The following TCF7L2 variants were observed in gnomAD, a reference collection of about 807,000 sequenced individuals.
TCF7L2 encodes the protein transcription factor 7-like 2.
In TCF7L2, 23 loss-of-function variants were observed where a neutral mutation model predicts 77.9. That is an observed-to-expected ratio of 0.30 (90% confidence interval 0.21 to 0.42). The LOEUF (loss-of-function observed/expected upper bound fraction) is 0.42, where lower values mean the gene tolerates loss of function less well. TCF7L2 is among the 10% of genes least tolerant of loss of function. The pLI is 1.00. For synonymous variants in TCF7L2, 413 were observed against 340.2 expected (o/e 1.21, Z -2.36); for missense variants, 654 against 793.1 (o/e 0.82, Z 2.11).
intron 11 of TCF7L2, among the ~76,000 whole-genome samples, chr10:113,155,331 T>C (rs1053669002): frequency 6.6e-6 from 1 of 152,174 alleles, no homozygotes; most frequent in African/African-American, 2.4e-5. Context: ...CCCATGCCAT[T>C]TGCTCACCTG....
intron 5 of TCF7L2, among the ~76,000 whole-genome samples, chr10:113,124,279 C>T (rs149976900): frequency 3.9e-5 from 6 of 152,222 alleles, no homozygotes; most frequent in East Asian, 1.9e-4. Context: ...ACACCCTTTT[C>T]GAACAAAACT....
At chr10:113,012,258 C>A (rs984782360) in intron 4 of TCF7L2, among the ~76,000 whole-genome samples, 17 of 152,272 alleles carry the variant, frequency 1.1e-4, no homozygotes, top group South Asian at 2.1e-4. Context: ...AGTGTGGGAA[C>A]CTTTGAGAAG....
intron 13 of TCF7L2, chr10:113,161,349 A>G (rs1400151624): frequency 1.8e-6 from 1 of 569,548 alleles, no homozygotes; most frequent in Admixed American, 3.1e-5. Flanking sequence ...TTAACAAAAT[A>G]TATGTGTGTA....
intron 4 of TCF7L2, among the ~76,000 whole-genome samples, chr10:113,038,212 A>G (rs143755142): frequency 6.6e-6 from 1 of 152,286 alleles, no homozygotes; most frequent in East Asian, 1.9e-4. Context: ...CTCCCCACCT[A>G]ATACCCTGTC....
chr10:113,113,965 T>C (rs2063440165), intron 5 of TCF7L2, among the ~76,000 whole-genome samples: 1 of 152,244 alleles, frequency 6.6e-6, no homozygotes, highest in South Asian at 2.1e-4. Context: ...ATGGGTTTCG[T>C]TGGACTATCA....
chr10:113,165,932 A>C lies in TCF7L2; in HGVS notation c.1769A>C (p.Gln590Pro), dbSNP rs2074020323. The C allele has an allele frequency of 6.4e-7, 1 of 1,551,802 alleles. No homozygotes were observed. Among genetic ancestry groups the C allele is most frequent in the African/African-American group, 1.4e-5 (1 of 72,312 alleles). ...TCCCACAGCTCCCTGGCCGGGACCC[A>C]GCCCCAGCCGCTGTCGCTCGTCACC... Residue 590 changes from glutamine to proline, a missense_variant, in exon 14 of 14, where the codon CAG becomes CCG. Gln to Pro is a moderately conservative substitution (Grantham distance 76). Transcript: ENST00000627217.
At chr10:113,103,499 A>G (rs60825651) in intron 5 of TCF7L2, among the ~76,000 whole-genome samples, 3,930 of 152,298 alleles carry the variant, frequency 0.026, 170 homozygotes, top group African/African-American at 0.089. Flanking sequence ...GCCATTTGGT[A>G]GAATGATTAA....
intron 5 of TCF7L2, among the ~76,000 whole-genome samples, chr10:113,131,023 C>T (rs1331423875): frequency 1.3e-5 from 2 of 152,164 alleles, no homozygotes; most frequent in Non-Finnish European, 2.9e-5. Context: ...GTCTCGGTCT[C>T]CCAAAGTGCT....
chr10:113,156,178 G>A (rs1326670112), intron 11 of TCF7L2, among the ~76,000 whole-genome samples: 2 of 147,970 alleles, frequency 1.4e-5, no homozygotes, highest in Non-Finnish European at 3.0e-5. Context: ...GCAGTAGCAC[G>A]ATCTCAGCTC....
intron 3 of TCF7L2, among the ~76,000 whole-genome samples, chr10:112,953,786 T>C (rs1288746991): frequency 6.6e-6 from 1 of 152,148 alleles, no homozygotes; most frequent in African/African-American, 2.4e-5. Context: ...TTGTGGGCAT[T>C]ATAGGAATAG....
intron 4 of TCF7L2, among the ~76,000 whole-genome samples, chr10:112,977,316 CCT>C (rs2039605275): frequency 2.0e-5 from 3 of 152,018 alleles, no homozygotes; most frequent in Non-Finnish European, 2.9e-5. Context: ...GTGAGGCTGC[CCT>C]GTAGGGAAGA....
Position 112,951,564 on chromosome 10 carries a change from GC to G in TCF7L2, c.342del (p.Tyr115ThrfsTer40). 7.2e-7 allele frequency: 1 copy of G among 1,391,704 alleles called. No homozygotes were observed. The allele number at this position is 1,391,704 out of a possible 1,614,324, so 86.2% of individuals were successfully genotyped here. A position where few individuals can be genotyped will look rare whatever the true frequency, so the allele number is the denominator to read the frequency against. On this transcript the variant is annotated frameshift_variant, in exon 3 of 14. Transcript: ENST00000627217. LOFTEE classifies it high-confidence loss of function. ...TTCATCATGATCCCCGACCTGACGA[GC>G]CCCTACCTCCCCAACGGATCGCTCT...
intron 6 of TCF7L2, 119 bp downstream of exon 6, chr10:113,141,435 T>G (rs369820672): frequency 1.1e-5 from 15 of 1,407,958 alleles, no homozygotes; most frequent in Middle Eastern, 1.9e-4. Flanking sequence ...GGAACGGTGG[T>G]GGGGGGGCCC....
chr10:113,151,938 G>T lies in TCF7L2; in HGVS notation c.1161+54G>T. On this transcript the variant is annotated intron_variant, in intron 10 of 13. Coordinates refer to ENST00000627217, the MANE Select transcript of TCF7L2 (RefSeq NM_001146274.2). The surrounding 1 kb of genome is among the most constrained non-coding windows in gnomAD (Gnocchi z 5.2). ...GGGGGGCGGGTGGTGAGGGACCAGA[G>T]TGCAGCAGGTCAGGTGGCAGAATGT... 6.4e-7 allele frequency: 1 copy of T among 1,550,726 alleles called. No individual in the cohort carries two copies. The highest frequency in any genetic ancestry group is 8.7e-7 in the Non-Finnish European group (1 of 1,155,548).
In TCF7L2 at chr10:113,166,446, C is replaced by G; in HGVS notation, c.*474C>G. On this transcript the variant is annotated 3_prime_UTR_variant, in exon 14 of 14. Coordinates refer to ENST00000627217, the MANE Select transcript of TCF7L2 (RefSeq NM_001146274.2). ...CGTAAGGGCACCATGAATGCAGTGC[C>G]GTTACTTTTTTTTTTTTTTTCTGTG... The G allele has an allele frequency of 5.7e-6, 1 of 176,066 alleles. No individual in the cohort carries two copies. Among genetic ancestry groups the G allele is most frequent in the Non-Finnish European group, 9.9e-6 (1 of 100,868 alleles). The allele number at this position is 176,066 out of a possible 1,614,324, so 10.9% of individuals were successfully genotyped here.
In TCF7L2 at chr10:112,950,944, A is replaced by G. The variant is rs2134179414; in HGVS notation, c.188A>G (p.Glu63Gly). The G allele has an allele frequency of 6.2e-7, 1 of 1,608,050 alleles. No individual in the cohort carries two copies. ...AATCAAAACAGCTCCTCCGATTCCG[A>G]GGTAGGAAAAGCCCCTCGGGCTGGT... Residue 63 changes from glutamate to glycine, a missense_variant and splice_region_variant, in exon 1 of 14, where the codon GAG becomes GGG. Transcript: ENST00000627217.
At chr10:113,067,413 A>C (rs963789483) in intron 5 of TCF7L2, among the ~76,000 whole-genome samples, 1 of 152,200 alleles carries the variant, frequency 6.6e-6, no homozygotes, top group Non-Finnish European at 1.5e-5. Flanking sequence ...TGGACTTCTA[A>C]ATGTGGGTCA....
At chr10:112,972,380 G>A (rs573204675) in intron 4 of TCF7L2, among the ~76,000 whole-genome samples, 1 of 152,286 alleles carries the variant, frequency 6.6e-6, no homozygotes, top group Admixed American at 6.5e-5. Context: ...CTTAGACTTT[G>A]GGGTCAGAGG....
At chr10:113,042,220 G>T (rs1465242992) in intron 5 of TCF7L2, among the ~76,000 whole-genome samples, 2 of 152,282 alleles carry the variant, frequency 1.3e-5, no homozygotes, top group Admixed American at 6.5e-5. Context: ...TTGGCCAGGG[G>T]TGCAGCAAGG....
Sources: gnomAD v4.1 joint callset for allele counts (sites outside exome capture counted in the v4.1 genomes callset) on GRCh38, gnomAD v4.1.1 for gene constraint, Gnocchi (gnomAD v3.1) non-coding constraint, MANE v1.5 for transcripts, NCBI Gene and HGNC (gene_info 2026-07-23, HGNC 2026-07-21) for gene names.